Variants in CACHD1 observed in about 807,000 individuals in gnomAD.
CACHD1 encodes cache domain containing 1, also known as VWFA and cache domain-containing protein 1.
In CACHD1, 71 loss-of-function variants were observed where a neutral mutation model predicts 138.7. The observed-to-expected ratio is 0.51, with a 90% CI of 0.42 to 0.62. The LOEUF is 0.62. Ranked by LOEUF, CACHD1 falls within the 20% of genes least tolerant of loss-of-function variation. CACHD1 has a pLI of 0.00. For synonymous variants in CACHD1, 578 were observed against 591.5 expected, an observed-to-expected ratio of 0.98 and a Z score of 0.33; for missense variants, 1,389 against 1,625.3, an observed-to-expected ratio of 0.85 and a Z score of 2.50.
intron 1 of CACHD1, among the ~76,000 whole-genome samples, chr1:64,479,088 G>T (rs1399031922): frequency 6.6e-6 from 1 of 152,174 alleles, no homozygotes; most frequent in Non-Finnish European, 1.5e-5. Flanking sequence ...TATTCAGCGG[G>T]TTACAAAAAG....
At chr1:64,599,444 G>A (rs1352177678) in intron 3 of CACHD1, among the ~76,000 whole-genome samples, 2 of 152,126 alleles carry the variant, frequency 1.3e-5, no homozygotes, top group African/African-American at 4.8e-5. Flanking sequence ...GAAGAGTTGA[G>A]CTGGGCTTTG....
chr1:64,594,179 G>A (rs765082155), intron 3 of CACHD1, among the ~76,000 whole-genome samples: 8 of 151,824 alleles, frequency 5.3e-5, no homozygotes, highest in Non-Finnish European at 1.0e-4. Flanking sequence ...GCTTGAACTC[G>A]GGAGGCAGAG....
chr1:64,625,381 C>A (rs950988681), intron 4 of CACHD1, among the ~76,000 whole-genome samples: 2 of 152,238 alleles, frequency 1.3e-5, no homozygotes, highest in South Asian at 4.2e-4. Context: ...AATCCCAGCA[C>A]TTTGGGAGGC....
chr1:64,669,358 A>G (rs191291493), intron 16 of CACHD1, among the ~76,000 whole-genome samples: 135 of 152,342 alleles, frequency 8.9e-4, no homozygotes, highest in African/African-American at 3.0e-3. Flanking sequence ...ACATTTTAGC[A>G]GGTCAGAAGA....
chr1:64,670,728 T>C (rs1013055456), intron 16 of CACHD1, among the ~76,000 whole-genome samples: 20 of 152,210 alleles, frequency 1.3e-4, no homozygotes, highest in Non-Finnish European at 5.9e-5. Context: ...TTTTTTTAGG[T>C]GTTCACTGTA....
intron 1 of CACHD1, among the ~76,000 whole-genome samples, chr1:64,507,914 T>C (rs1444090749): frequency 6.6e-6 from 1 of 152,188 alleles, no homozygotes; most frequent in Non-Finnish European, 1.5e-5. Flanking sequence ...CCTTCTGTAT[T>C]AGTCCATTCT....
chr1:64,470,894 C>T lies in CACHD1; in HGVS notation c.150C>T (p.Ser50=). Residue 50 remains serine (S), a synonymous_variant, in exon 1 of 27, where the codon AGC becomes AGT. Coordinates refer to ENST00000651257, the MANE Select transcript of CACHD1 (RefSeq NM_020925.4). This position sits in a 1 kb window ranked among gnomAD's most constrained non-coding sequence, Gnocchi z 5.2. The stretch of plus-strand genomic sequence containing the variant: ...TGGACGAGGCGCAAGTGCTGGCGAG[C>T]CAGATGCGGAGGCTGGCGGCCGAGG... ...SILDEAQVLA[S]QMRRLAAEEL... 1 of 1,609,124 alleles carries T rather than the reference C, an allele frequency of 6.2e-7. No homozygotes were observed. The highest frequency in any genetic ancestry group is 8.5e-7 in the Non-Finnish European group (1 of 1,178,422).
chr1:64,658,777 C>T lies in CACHD1; in HGVS notation c.1855C>T (p.Leu619Phe). The change falls in exon 13 of 27, where the codon CTC (leucine) becomes TTC (phenylalanine). Residue 619 changes from leucine to phenylalanine, a missense_variant. Transcript: ENST00000651257. ...AATACCTGTGAAACAACTGAAGAAC[C>T]TCAACACTGTTCCCAGCAGCAAGCT... is the stretch of plus-strand genomic sequence containing the variant. ...PEIPVKQLKN[L>F]NTVPSSKLLY... is the part of the protein sequence containing the mutation. The T allele has an allele frequency of 6.2e-7, 1 of 1,609,504 alleles. No homozygotes were observed. The highest frequency in any genetic ancestry group is 8.5e-7 in the Non-Finnish European group (1 of 1,177,404).
chr1:64,606,793 G>T (rs1275740890), intron 4 of CACHD1, among the ~76,000 whole-genome samples: 1 of 152,176 alleles, frequency 6.6e-6, no homozygotes, highest in Admixed American at 6.5e-5. Context: ...GAATCAGTAG[G>T]ATTTGCTGGT....
rs545243495 is a variant in CACHD1 at position 64,563,803 on chromosome 1, G to A, written c.261+13147G>A. On this transcript the variant is annotated intron_variant, in intron 2 of 26. Coordinates refer to ENST00000651257, the MANE Select transcript of CACHD1 (RefSeq NM_020925.4). Reference sequence around the variant, plus strand: ...CATCTTTTGAGATGGAAAACTCAAGGTCCAAGCAAGACTCTGTCATTTACT... The same window carrying A: ...CATCTTTTGAGATGGAAAACTCAAGATCCAAGCAAGACTCTGTCATTTACT... 7 of 152,304 alleles carry A rather than the reference G, an allele frequency of 4.6e-5. No individual in the cohort carries two copies. In the South Asian group the frequency reaches 1.4e-3, roughly 32 times the overall value. The allele number at this position is 152,304 out of a possible 1,614,324, so 9.4% of individuals were successfully genotyped here.
intron 3 of CACHD1, among the ~76,000 whole-genome samples, chr1:64,595,808 G>A (rs115365887): frequency 0.022 from 3,418 of 152,212 alleles, 125 homozygotes; most frequent in African/African-American, 0.079. Flanking sequence ...GGGAAATGGC[G>A]AAAAAGAAAT....
intron 1 of CACHD1, among the ~76,000 whole-genome samples, chr1:64,541,449 A>G (rs929209445): frequency 5.3e-5 from 8 of 152,232 alleles, no homozygotes; most frequent in Admixed American, 2.6e-4. Context: ...TGATTGTAGC[A>G]TAGACAGTCT....
chr1:64,648,673 T>C (rs776771752), intron 9 of CACHD1, among the ~76,000 whole-genome samples: 1 of 152,226 alleles, frequency 6.6e-6, no homozygotes. Flanking sequence ...TTGTTATCAT[T>C]GTTATTATTA....
intron 4 of CACHD1, among the ~76,000 whole-genome samples, chr1:64,618,436 C>A (rs896147242): frequency 2.0e-5 from 3 of 152,130 alleles, no homozygotes; most frequent in African/African-American, 7.2e-5. Flanking sequence ...GCTCTTTTGC[C>A]TCCCCTGCTT....
At chr1:64,555,041 G>A (rs146674862) in intron 2 of CACHD1, among the ~76,000 whole-genome samples, 1 of 152,070 alleles carries the variant, frequency 6.6e-6, no homozygotes, top group Non-Finnish European at 1.5e-5. Context: ...TCCAGTTTGA[G>A]TGCTTGGTGC....
In CACHD1 at chr1:64,603,557, G is replaced by T. The variant is rs554802209; in HGVS notation, c.517+645G>T. On this transcript the variant is annotated intron_variant, in intron 4 of 26. Coordinates refer to ENST00000651257, the MANE Select transcript of CACHD1 (RefSeq NM_020925.4). ...GTTATCTTTGCAATAGGAGGTATTG[G>T]ATTTTCTTTGCATTCCCTAGTTACA... is the stretch of plus-strand genomic sequence containing the variant. Among the ~76,000 whole-genome samples the T allele has an allele frequency of 1.1e-4, 16 of 152,238 alleles. No homozygotes were observed. In the South Asian group the frequency reaches 3.3e-3, roughly 32 times the overall value.
chr1:64,519,152 A>G (rs1416129922), intron 1 of CACHD1, among the ~76,000 whole-genome samples: 1 of 152,172 alleles, frequency 6.6e-6, no homozygotes, highest in Non-Finnish European at 1.5e-5. Context: ...CTTGTTACCC[A>G]TTTGATAACA....
intron 12 of CACHD1, among the ~76,000 whole-genome samples, chr1:64,655,088 A>G (rs766183574): frequency 6.6e-6 from 1 of 152,224 alleles, no homozygotes; most frequent in Non-Finnish European, 1.5e-5. Flanking sequence ...CAACATAACA[A>G]AATCCCATCT....
chr1:64,571,390 A>G (rs1342478727), intron 2 of CACHD1, among the ~76,000 whole-genome samples: 1 of 152,244 alleles, frequency 6.6e-6, no homozygotes, highest in African/African-American at 2.4e-5. Flanking sequence ...TTGAGCTCAT[A>G]GTATCAATGA....
Sources: allele counts gnomAD v4.1 joint callset (sites outside exome capture counted in the v4.1 genomes callset), GRCh38; gene constraint gnomAD v4.1.1; non-coding constraint Gnocchi (gnomAD v3.1); transcripts MANE v1.5; gene names NCBI Gene and HGNC (gene_info 2026-07-23, HGNC 2026-07-21).